The following ATP2A2 variants were observed in gnomAD, a reference collection of about 807,000 sequenced individuals.
ATP2A2 encodes the protein ATPase sarcoplasmic/endoplasmic reticulum Ca2+ transporting 2.
A neutral mutation model predicts 109.3 loss-of-function variants in ATP2A2; 14 were observed. That is an observed-to-expected ratio of 0.13 (90% CI 0.08 to 0.20). The LOEUF (loss-of-function observed/expected upper bound fraction) is 0.20. Among genes scored for constraint, ATP2A2 ranks in the 10% least tolerant of loss-of-function variants. The pLI, the probability that ATP2A2 is intolerant of heterozygous loss-of-function variation, is 1.00. For synonymous variants in ATP2A2, 506 were observed against 490.9 expected, an observed-to-expected ratio of 1.03 and a Z score of -0.41; for missense variants, 657 against 1,321.6, an observed-to-expected ratio of 0.50 and a Z score of 7.80.
chr12:110,304,345 C>T (rs935454184), intron 5 of ATP2A2, among the ~76,000 whole-genome samples: 2 of 152,194 alleles, frequency 1.3e-5, no homozygotes, highest in Non-Finnish European at 2.9e-5. Context: ...CTATACTTAA[C>T]ATTTTGAGCA....
At chr12:110,316,072 G>GAA (rs1019061707) in intron 5 of ATP2A2, among the ~76,000 whole-genome samples, 3 of 152,212 alleles carry the variant, frequency 2.0e-5, no homozygotes, top group Non-Finnish European at 4.4e-5. Context: ...GGGCAACAAA[G>GAA]CTAGTCTCCA....
intron 6 of ATP2A2, among the ~76,000 whole-genome samples, chr12:110,323,872 C>G (rs946004628): frequency 6.6e-6 from 1 of 152,180 alleles, no homozygotes; most frequent in Admixed American, 6.5e-5. Context: ...AAGCAAATTA[C>G]TTATTCGATG....
chr12:110,320,683 G>T (rs961904670), intron 5 of ATP2A2, among the ~76,000 whole-genome samples: 7 of 152,210 alleles, frequency 4.6e-5, no homozygotes, highest in Non-Finnish European at 8.8e-5. Context: ...GATTCAGTCT[G>T]AATATTGCTG....
Position 110,346,728 on chromosome 12 carries a change from G to A in ATP2A2, c.*258G>A. ...CAAATATTTTTTTGTAGATGAAAAAGCATGTACAGTGTTCTGTTTAATACT... is the reference window on the plus strand; with the variant it reads ...CAAATATTTTTTTGTAGATGAAAAAACATGTACAGTGTTCTGTTTAATACT... On this transcript the variant is annotated 3_prime_UTR_variant, in exon 20 of 20. Coordinates refer to ENST00000539276, the MANE Select transcript of ATP2A2 (RefSeq NM_170665.4). 2.2e-6 allele frequency: 3 copies of A among 1,345,732 alleles called. No individual in the cohort carries two copies. Among genetic ancestry groups the A allele is most frequent in the Non-Finnish European group, 2.9e-6 (3 of 1,046,340 alleles). 83.4% of individuals were successfully genotyped at this position (1,345,732 alleles called of 1,614,324 possible).
chr12:110,341,383 A>G (rs926893317), intron 14 of ATP2A2, among the ~76,000 whole-genome samples: 29 of 151,870 alleles, frequency 1.9e-4, no homozygotes, highest in African/African-American at 6.8e-4. Context: ...TCTTCCCCTC[A>G]CCTGATTTTC....
intron 6 of ATP2A2, chr12:110,325,831 C>CA (rs1175703164): frequency 2.5e-5 from 4 of 158,708 alleles, no homozygotes; most frequent in Non-Finnish European, 5.5e-5. Context: ...AAAAAAATAC[C>CA]AAAAAAATTA....
intron 5 of ATP2A2, among the ~76,000 whole-genome samples, chr12:110,312,464 A>T (rs758605394): frequency 6.6e-6 from 1 of 152,150 alleles, no homozygotes; most frequent in Non-Finnish European, 1.5e-5. Flanking sequence ...CCCCAAAAAC[A>T]TATATTGAAA....
At chr12:110,282,680 G>GAC in intron 2 of ATP2A2, 33 bp from the exon 3 acceptor site, 1 of 1,613,622 alleles carries the variant, frequency 6.2e-7, no homozygotes, top group Non-Finnish European at 8.5e-7. Context: ...ATGGTAAGAT[G>GAC]ACAGTTAAAA....
intron 5 of ATP2A2, among the ~76,000 whole-genome samples, chr12:110,297,394 C>G (rs151283949): frequency 6.7e-6 from 1 of 149,470 alleles, no homozygotes; most frequent in African/African-American, 2.5e-5. Flanking sequence ...TGAGATCGCA[C>G]CACTGCACTC....
At chr12:110,282,537 T>C in intron 1 of ATP2A2, 67 bp from the exon 2 acceptor site, 5 of 1,580,404 alleles carry the variant, frequency 3.2e-6, no homozygotes, top group Non-Finnish European at 4.3e-6. Context: ...AGTGCTAAAA[T>C]GTCTCTCTCT....
chr12:110,342,790 G>A lies in ATP2A2; in HGVS notation c.2318+342G>A, dbSNP rs749502392. ...TTATTTATTTTTTTGAGACAGTCTC[G>A]CTGTCGCCCAGGCTTCGGGCAGTGG... On this transcript the variant is annotated intron_variant, in intron 15 of 19. Coordinates refer to ENST00000539276, the MANE Select transcript of ATP2A2 (RefSeq NM_170665.4). This position sits in a 1 kb window ranked among gnomAD's most constrained non-coding sequence, Gnocchi z 4.6. 1.3e-4 allele frequency among the ~76,000 whole-genome samples: 19 copies of A among 151,902 alleles called. No individual in the cohort carries two copies. Among genetic ancestry groups the A allele is most frequent in the Non-Finnish European group, 2.1e-4 (14 of 68,000 alleles).
chr12:110,282,038 C>G (rs1340034769), intron 1 of ATP2A2, 131 bp downstream of exon 1: 1 of 624,824 alleles, frequency 1.6e-6, no homozygotes, highest in Non-Finnish European at 2.5e-6. Flanking sequence ...GTCGGGCCAG[C>G]GCGCCGGCCC....
intron 4 of ATP2A2, among the ~76,000 whole-genome samples, chr12:110,295,062 G>A (rs1298510979): frequency 6.6e-6 from 1 of 152,044 alleles, no homozygotes; most frequent in Non-Finnish European, 1.5e-5. Flanking sequence ...CAGGCGATCC[G>A]CCCACCTCAG....
At chr12:110,290,199 G>GT (rs1239593238) in intron 3 of ATP2A2, among the ~76,000 whole-genome samples, 2 of 152,182 alleles carry the variant, frequency 1.3e-5, no homozygotes, top group Non-Finnish European at 2.9e-5. Flanking sequence ...GAATTAACTG[G>GT]TTTTTTGTTT....
intron 4 of ATP2A2, chr12:110,296,324 G>A (rs1260979677): frequency 2.3e-6 from 1 of 425,828 alleles, no homozygotes; most frequent in Non-Finnish European, 4.4e-6. Context: ...GGTGAAAGCT[G>A]TGTTTTACAG....
rs747790821 is a variant in ATP2A2, at chr12:110,350,221, A to G, written c.*3751A>G. ...CATCTGTCGCTGTTGATCTTCATCTATTTAAATAGGTATTCTAACGTTTCC... is the reference window on the plus strand; with the variant it reads ...CATCTGTCGCTGTTGATCTTCATCTGTTTAAATAGGTATTCTAACGTTTCC... On this transcript the variant is annotated 3_prime_UTR_variant, in exon 20 of 20. Transcript: ENST00000539276. 27 of 1,614,008 alleles carry G rather than the reference A, an allele frequency of 1.7e-5. No individual in the cohort carries two copies. Among genetic ancestry groups the G allele is most frequent in the Non-Finnish European group, 1.9e-5 (23 of 1,179,972 alleles).
At chr12:110,311,732 TAAAAAAAA>T (rs74429533) in intron 5 of ATP2A2, among the ~76,000 whole-genome samples, 1 of 138,748 alleles carries the variant, frequency 7.2e-6, no homozygotes, top group Admixed American at 7.2e-5. Flanking sequence ...GAGAATTGTT[TAAAAAAAA>T]AAAAAAAAAG....
At chr12:110,345,413 A>C in intron 18 of ATP2A2, 31 bp downstream of exon 18, 1 of 1,614,072 alleles carries the variant, frequency 6.2e-7, no homozygotes, top group Non-Finnish European at 8.5e-7. Context: ...GGCTGAGGCG[A>C]GCATGGTGAC....
chr12:110,346,243 A>G lies in ATP2A2; in HGVS notation c.2902A>G (p.Met968Val), dbSNP rs1879844823. The stretch of plus-strand genomic sequence containing the variant: ...ACCGCTGAACGTGACCCAGTGGCTG[A>G]TGGTGCTGAAAATCTCCTTGCCCGT... ...ITPLNVTQWL[M>V]VLKISLPVIL... The change falls in exon 20 of 20, where the codon ATG (methionine) becomes GTG (valine). Residue 968 changes from methionine (M) to valine (V), a missense_variant. Coordinates refer to ENST00000539276, the MANE Select transcript of ATP2A2 (RefSeq NM_170665.4). 6.2e-7 allele frequency: 1 copy of G among 1,614,048 alleles called. No homozygotes were observed. The highest frequency in any genetic ancestry group is 1.3e-5 in the African/African-American group (1 of 74,904).
Sources: allele counts gnomAD v4.1 joint callset (sites outside exome capture counted in the v4.1 genomes callset), GRCh38; gene constraint gnomAD v4.1.1; non-coding constraint Gnocchi (gnomAD v3.1); transcripts MANE v1.5; gene names NCBI Gene and HGNC (gene_info 2026-07-23, HGNC 2026-07-21).